Variants in OLFML1 observed in about 807,000 individuals in gnomAD.
OLFML1 encodes olfactomedin-like protein 1.
Under a neutral mutation model 37.3 loss-of-function variants are expected in OLFML1, and 33 were observed. The observed-to-expected ratio is 0.88, with a 90% CI of 0.67 to 1.18. The LOEUF is 1.18. Ranked by LOEUF, OLFML1 falls within the 50% of genes most tolerant of loss-of-function variation. The pLI is 0.00. For missense variants in OLFML1, 545 were observed against 483.7 expected (o/e 1.13, Z -1.19); for synonymous variants, 186 against 181.3 (o/e 1.03, Z -0.21).
chr11:7,494,339 T>C (rs1848636228), intron 2 of OLFML1, among the ~76,000 whole-genome samples: 1 of 152,234 alleles, frequency 6.6e-6, no homozygotes. Flanking sequence ...ATGTGAACAA[T>C]GGCAATTAAT....
chr11:7,490,745 GT>G (rs1292454616), intron 2 of OLFML1, among the ~76,000 whole-genome samples: 1 of 152,160 alleles, frequency 6.6e-6, no homozygotes, highest in Non-Finnish European at 1.5e-5. Context: ...GCCAATACTT[GT>G]TGCCTCCCAC....
chr11:7,500,852 G>C (rs1320890302), intron 2 of OLFML1, among the ~76,000 whole-genome samples: 3 of 151,074 alleles, frequency 2.0e-5, no homozygotes, highest in African/African-American at 7.3e-5. Context: ...CTGGTGAATG[G>C]AGCAAGACTC....
Position 7,488,245 on chromosome 11 carries a change from G to A in OLFML1, c.248G>A (p.Ser83Asn). 2 of 1,614,092 alleles carry A rather than the reference G, an allele frequency of 1.2e-6. No homozygotes were observed. The highest frequency in any genetic ancestry group is 1.7e-6 in the Non-Finnish European group (2 of 1,180,004). The stretch of plus-strand genomic sequence containing the variant: ...CAGACCTACACAAGTGAGTACAAGA[G>A]TGCAGTGGGTAACTTGGCACTGAGA... ...RCQTYTSEYK[S>N]AVGNLALRVE... The change falls in exon 2 of 3, where the codon AGT (serine) becomes AAT (asparagine). Residue 83 changes from serine (S) to asparagine (N), a missense_variant. By Grantham distance (46) the Ser-to-Asn change is conservative (BLOSUM62 1). Coordinates refer to ENST00000329293, the MANE Select transcript of OLFML1 (RefSeq NM_198474.4).
intron 2 of OLFML1, among the ~76,000 whole-genome samples, chr11:7,505,294 C>G (rs1005491181): frequency 2.0e-5 from 3 of 152,048 alleles, no homozygotes; most frequent in South Asian, 4.1e-4. Flanking sequence ...TCAGAGTGCT[C>G]AGTTGTCCTT....
Position 7,510,369 on chromosome 11 carries a change from G to C in OLFML1, c.*181G>C, listed in dbSNP as rs538198697. ...GCCTTAGGTATCTTCCAAGAGCTTAGATGAGAGCATATCATCAGGAAAGTT... is the reference window on the plus strand; with the variant it reads ...GCCTTAGGTATCTTCCAAGAGCTTACATGAGAGCATATCATCAGGAAAGTT... On this transcript the variant is annotated 3_prime_UTR_variant, in exon 3 of 3. Transcript: ENST00000329293. The C allele has an allele frequency of 1.7e-5, 10 of 588,942 alleles. No individual in the cohort carries two copies. In the Admixed American group the frequency reaches 2.5e-4, roughly 15 times the overall value. 36.5% of individuals were successfully genotyped at this position (588,942 alleles called of 1,614,324 possible). A position where few individuals can be genotyped will look rare whatever the true frequency, so the allele number is the denominator to read the frequency against.
intron 2 of OLFML1, among the ~76,000 whole-genome samples, chr11:7,498,478 T>A (rs775662783): frequency 8.5e-5 from 13 of 152,294 alleles, no homozygotes; most frequent in Non-Finnish European, 1.5e-4. Flanking sequence ...ATGGGCAGTA[T>A]CATGAAATAC....
rs1378984789 is a variant in OLFML1, at chr11:7,510,245, T to C, written c.*57T>C. ...CTTTGGCAGCTGTTCTACAGGACAGTGAGGCTATAGCCCCTTCACAATATA... is the reference window on the plus strand; with the variant it reads ...CTTTGGCAGCTGTTCTACAGGACAGCGAGGCTATAGCCCCTTCACAATATA... On this transcript the variant is annotated 3_prime_UTR_variant, in exon 3 of 3. Transcript: ENST00000329293. 1 of 1,384,216 alleles carries C rather than the reference T, an allele frequency of 7.2e-7. No individual in the cohort carries two copies. The highest frequency in any genetic ancestry group is 9.9e-7 in the Non-Finnish European group (1 of 1,013,652). 85.7% of individuals were successfully genotyped at this position (1,384,216 alleles called of 1,614,324 possible).
At chr11:7,490,341 G>C (rs1848580218) in intron 2 of OLFML1, among the ~76,000 whole-genome samples, 1 of 152,126 alleles carries the variant, frequency 6.6e-6, no homozygotes, top group African/African-American at 2.4e-5. Context: ...GGATGAACAG[G>C]GGCTTCCTAA....
intron 2 of OLFML1, among the ~76,000 whole-genome samples, chr11:7,507,171 T>G (rs1186817231): frequency 1.3e-5 from 2 of 152,192 alleles, no homozygotes; most frequent in Non-Finnish European, 2.9e-5. Context: ...GGAAGAATAG[T>G]AGCCTGAAGT....
At chr11:7,488,024 G>T (rs1848544722) in intron 1 of OLFML1, 103 bp from the exon 2 acceptor site, 2 of 765,332 alleles carry the variant, frequency 2.6e-6, no homozygotes, top group Non-Finnish European at 4.1e-6. Context: ...CCTATTTGAT[G>T]ATGTGTAATT....
intron 2 of OLFML1, among the ~76,000 whole-genome samples, chr11:7,501,381 T>A (rs1848724188): frequency 6.6e-6 from 1 of 152,170 alleles, no homozygotes. Context: ...TCGCTTCCTA[T>A]AACCGAGGCT....
rs779569630 is a variant in OLFML1 at position 7,509,445 on chromosome 11, A to C, written c.466A>C (p.Lys156Gln). 13 of 1,613,716 alleles carry C rather than the reference A, an allele frequency of 8.1e-6. No homozygotes were observed. The Admixed American group carries it at 8.3e-5, about 10-fold the overall frequency. ...CATAAAGTCTTTGAAAATAGTGAAG[A>C]AGATGATGGACACACATGGCTCTTG... ...MGIKSLKIVK[K>Q]MMDTHGSWMK... Residue 156 changes from lysine to glutamine, a missense_variant, in exon 3 of 3, where the codon AAG becomes CAG. Lys to Gln is a moderately conservative substitution (Grantham distance 53). Coordinates refer to ENST00000329293, the MANE Select transcript of OLFML1 (RefSeq NM_198474.4).
rs1848844975 is a variant in OLFML1, at chr11:7,510,258, C to T, written c.*70C>T. 2.5e-6 allele frequency: 3 copies of T among 1,222,670 alleles called. No individual in the cohort carries two copies. Among genetic ancestry groups the T allele is most frequent in the Admixed American group, 2.3e-5 (1 of 44,374 alleles). The allele number at this position is 1,222,670 out of a possible 1,614,324, so 75.7% of individuals were successfully genotyped here. A position where few individuals can be genotyped will look rare whatever the true frequency, so the allele number is the denominator to read the frequency against. On this transcript the variant is annotated 3_prime_UTR_variant, in exon 3 of 3. Transcript: ENST00000329293. ...TCTACAGGACAGTGAGGCTATAGCC[C>T]CTTCACAATATAGTATCCCTCTAAT...
chr11:7,509,487 T>C lies in OLFML1; in HGVS notation c.508T>C (p.Tyr170His), dbSNP rs772885319. 2.7e-5 allele frequency: 44 copies of C among 1,614,082 alleles called. No homozygotes were observed. The South Asian group carries it at 4.6e-4, about 17-fold the overall frequency. The change falls in exon 3 of 3, where the codon TAT (tyrosine) becomes CAT (histidine). Residue 170 changes from tyrosine to histidine, a missense_variant. Coordinates refer to ENST00000329293, the MANE Select transcript of OLFML1 (RefSeq NM_198474.4). ...THGSWMKDAV[Y>H]NSPKVYLLIG... is the part of the protein sequence containing the mutation. ...TGGCTCTTGGATGAAAGATGCTGTC[T>C]ATAACTCTCCAAAGGTGTACTTATT...
Position 7,509,554 on chromosome 11 carries a change from T to TA in OLFML1, c.576dup (p.Arg193ThrfsTer7), listed in dbSNP as rs1848828728. 1.2e-6 allele frequency: 2 copies of TA among 1,614,206 alleles called. No individual in the cohort carries two copies. The highest frequency in any genetic ancestry group is 1.7e-6 in the Non-Finnish European group (2 of 1,180,038). Reference sequence around the variant, plus strand: ...AACACTGTTTGGGAATTTGCAAACATACGGGCATTCATGGAGGATAACACC... The same window carrying TA: ...AACACTGTTTGGGAATTTGCAAACATAACGGGCATTCATGGAGGATAACACC... On this transcript the variant is annotated frameshift_variant, in exon 3 of 3. Transcript: ENST00000329293. LOFTEE classifies it high-confidence loss of function.
intron 1 of OLFML1, among the ~76,000 whole-genome samples, chr11:7,487,676 TAA>T (rs1047615054): frequency 7.2e-5 from 11 of 152,094 alleles, no homozygotes; most frequent in Non-Finnish European, 1.6e-4. Context: ...AAGATGTAAA[TAA>T]AAAGTTTTTT....
chr11:7,486,689 C>G (rs746055378), intron 1 of OLFML1, among the ~76,000 whole-genome samples: 1 of 152,176 alleles, frequency 6.6e-6, no homozygotes, highest in Non-Finnish European at 1.5e-5. Context: ...CTAGCCTTTG[C>G]CACACCCTGG....
In OLFML1 at chr11:7,510,472, TTTG is replaced by T; in HGVS notation, c.*287_*289del. ...TTCTGATACAGCCTACTTCAAGCCTTTTGTTTTACTGCTCCCCAGCATTTACTG... is the reference window on the plus strand; with the variant it reads ...TTCTGATACAGCCTACTTCAAGCCTTTTTTACTGCTCCCCAGCATTTACTG... On this transcript the variant is annotated 3_prime_UTR_variant, in exon 3 of 3. Transcript: ENST00000329293. 1 of 316,406 alleles carries T rather than the reference TTTG, an allele frequency of 3.2e-6. No homozygotes were observed. Among genetic ancestry groups the T allele is most frequent in the Non-Finnish European group, 5.9e-6 (1 of 170,500 alleles). 19.6% of individuals were successfully genotyped at this position (316,406 alleles called of 1,614,324 possible). A position where few individuals can be genotyped will look rare whatever the true frequency, so the allele number is the denominator to read the frequency against.
chr11:7,503,708 A>G (rs1458817935), intron 2 of OLFML1, among the ~76,000 whole-genome samples: 1 of 152,178 alleles, frequency 6.6e-6, no homozygotes, highest in Admixed American at 6.5e-5. Context: ...AATAGGGAGG[A>G]AGAGACTACT....
Sources: allele counts gnomAD v4.1 joint callset (sites outside exome capture counted in the v4.1 genomes callset), GRCh38; gene constraint gnomAD v4.1.1; transcripts MANE v1.5; gene names NCBI Gene and HGNC (gene_info 2026-07-23, HGNC 2026-07-21).